The following PNMT variants were observed in gnomAD, a reference collection of about 807,000 sequenced individuals.
The protein encoded by PNMT is phenylethanolamine N-methyltransferase.
Under a neutral mutation model 18.9 loss-of-function variants are expected in PNMT, and 18 were observed. The observed-to-expected ratio is 0.95, with a 90% CI of 0.66 to 1.41. The LOEUF (loss-of-function observed/expected upper bound fraction) is 1.41. Ranked by LOEUF, PNMT falls within the 40% of genes most tolerant of loss-of-function variation. The pLI, the probability that PNMT is intolerant of heterozygous loss-of-function variation, is 0.00. For synonymous variants in PNMT, 167 were observed against 168.6 expected (o/e 0.99, Z 0.08); for missense variants, 378 against 387.0 (o/e 0.98, Z 0.20).
At chr17:39,668,708 A>G in intron 1 of PNMT, 31 bp downstream of exon 1, 2 of 1,529,364 alleles carry the variant, frequency 1.3e-6, no homozygotes, top group African/African-American at 2.8e-5. Flanking sequence ...CACGAGGGAC[A>G]AGAGGTCGTC....
rs139957551 is a variant in PNMT at position 39,669,746 on chromosome 17, G to T, written c.320G>T (p.Arg107Leu). The T allele has an allele frequency of 6.2e-6, 10 of 1,613,758 alleles. No individual in the cohort carries two copies. The highest frequency in any genetic ancestry group is 4.0e-5 in the African/African-American group (3 of 74,900). The change falls in exon 2 of 3, where the codon CGC (arginine) becomes CTC (leucine). Residue 107 changes from arginine to leucine, a missense_variant. Physicochemically the swap from Arg to Leu is moderately radical, Grantham distance 102. Transcript: ENST00000269582. ...ITMTDFLEVN[R>L]QELGRWLQEE... is the part of the protein sequence containing the mutation. ...ATGACAGATTTCCTGGAGGTCAACC[G>T]CCAGGAGCTGGGGCGCTGGCTGCAG... is the stretch of plus-strand genomic sequence containing the variant.
Position 39,669,938 on chromosome 17 carries a change from G to A in PNMT, c.411-13G>A. 1.9e-6 allele frequency: 3 copies of A among 1,595,490 alleles called. No homozygotes were observed. Among genetic ancestry groups the A allele is most frequent in the Non-Finnish European group, 2.6e-6 (3 of 1,170,260 alleles). The stretch of plus-strand genomic sequence containing the variant: ...AGAACAGCCTTGAGCCCTGCCTTGT[G>A]CCTCCTGCACAGGGAATGCTGGCAG... On this transcript the variant is annotated splice_polypyrimidine_tract_variant and intron_variant, in intron 2 of 2. Coordinates refer to ENST00000269582, the MANE Select transcript of PNMT (RefSeq NM_002686.4).
chr17:39,669,820 C>T lies in PNMT; in HGVS notation c.394C>T (p.Leu132Phe). The stretch of plus-strand genomic sequence containing the variant: ...GAGCATGTACAGCCAACATGCCTGC[C>T]TCATTGAGGGCAAGGGGTAAGGACT... Reference protein sequence around the residue: ...NWSMYSQHACLIEGKGECWQD... With the variant: ...NWSMYSQHACFIEGKGECWQD... The change falls in exon 2 of 3, where the codon CTC (leucine) becomes TTC (phenylalanine). Residue 132 changes from leucine (L) to phenylalanine (F), a missense_variant. Transcript: ENST00000269582. 6.2e-7 allele frequency: 1 copy of T among 1,613,780 alleles called. No homozygotes were observed. The highest frequency in any genetic ancestry group is 8.5e-7 in the Non-Finnish European group (1 of 1,179,758).
Position 39,670,354 on chromosome 17 carries a change from G to A in PNMT, c.814G>A (p.Val272Ile), listed in dbSNP as rs753034981. 2.8e-5 allele frequency: 45 copies of A among 1,595,938 alleles called. No individual in the cohort carries two copies. The highest frequency in any genetic ancestry group is 6.7e-5 in the East Asian group (3 of 44,508). The change falls in exon 3 of 3, where the codon GTC becomes ATC. Residue 272 changes from valine to isoleucine, a missense_variant. Transcript: ENST00000269582. ...LQTGVDDVKG[V>I]FFAWAQKVGL Reference sequence around the variant, plus strand: ...GACAGGCGTAGATGATGTCAAGGGCGTCTTCTTCGCCTGGGCTCAGAAGGT... The same window carrying A: ...GACAGGCGTAGATGATGTCAAGGGCATCTTCTTCGCCTGGGCTCAGAAGGT...
In PNMT at chr17:39,669,779, C is replaced by CG; in HGVS notation, c.358dup (p.Ala120GlyfsTer15). 1 of 1,613,938 alleles carries CG rather than the reference C, an allele frequency of 6.2e-7. No homozygotes were observed. The highest frequency in any genetic ancestry group is 8.5e-7 in the Non-Finnish European group (1 of 1,179,944). On this transcript the variant is annotated frameshift_variant, in exon 2 of 3. Coordinates refer to ENST00000269582, the MANE Select transcript of PNMT (RefSeq NM_002686.4). LOFTEE classifies it high-confidence loss of function. Reference sequence around the variant, plus strand: ...CTGGGGCGCTGGCTGCAGGAGGAGCCGGGGGCCTTCAACTGGAGCATGTAC... The same window carrying CG: ...CTGGGGCGCTGGCTGCAGGAGGAGCCGGGGGGCCTTCAACTGGAGCATGTAC...
At chr17:39,668,889 C>T (rs2057275962) in intron 1 of PNMT, among the ~76,000 whole-genome samples, 1 of 146,598 alleles carries the variant, frequency 6.8e-6, no homozygotes, top group South Asian at 2.1e-4. Context: ...AGAGAGGGGG[C>T]GGAGAGTGCT....
upstream of PNMT, chr17:39,668,327 T>C: frequency 3.7e-6 from 2 of 546,310 alleles, no homozygotes. Context: ...GGGAGATGGA[T>C]GAATGGGTGG....
intron 1 of PNMT, among the ~76,000 whole-genome samples, chr17:39,669,045 TTTTC>T (rs776873328): frequency 4.6e-5 from 7 of 152,040 alleles, no homozygotes; most frequent in Non-Finnish European, 5.9e-5. Context: ...TTTTCTTTCT[TTTTC>T]TTTATTTTAT....
Position 39,669,775 on chromosome 17 carries a change from G to A in PNMT, c.349G>A (p.Glu117Lys), listed in dbSNP as rs1567867182. 1 of 1,614,122 alleles carries A rather than the reference G, an allele frequency of 6.2e-7. No individual in the cohort carries two copies. The highest frequency in any genetic ancestry group is 8.5e-7 in the Non-Finnish European group (1 of 1,179,988). The change falls in exon 2 of 3, where the codon GAG (glutamate) becomes AAG (lysine). Residue 117 changes from glutamate to lysine, a missense_variant. Coordinates refer to ENST00000269582, the MANE Select transcript of PNMT (RefSeq NM_002686.4). ...RQELGRWLQEEPGAFNWSMYS... is the reference protein window; with the variant it reads ...RQELGRWLQEKPGAFNWSMYS... ...GGAGCTGGGGCGCTGGCTGCAGGAG[G>A]AGCCGGGGGCCTTCAACTGGAGCAT... is the stretch of plus-strand genomic sequence containing the variant.
chr17:39,668,541 G>T lies in PNMT; in HGVS notation c.66G>T (p.Ala22=), dbSNP rs778066861. The T allele has an allele frequency of 6.7e-5, 103 of 1,548,698 alleles. No individual in the cohort carries two copies. In the Middle Eastern group the frequency reaches 1.7e-3, roughly 26 times the overall value. Residue 22 remains alanine, a synonymous_variant, in exon 1 of 3, where the codon GCG becomes GCT. Coordinates refer to ENST00000269582, the MANE Select transcript of PNMT (RefSeq NM_002686.4). ...AAPDSAPGQA[A]VASAYQRFEP... ...CTGACTCGGCCCCGGGCCAGGCGGC[G>T]GTGGCTTCGGCCTACCAGCGCTTCG...
rs2057284629 is a variant in PNMT, at chr17:39,669,935, T to C, written c.411-16T>C. On this transcript the variant is annotated splice_polypyrimidine_tract_variant and intron_variant, in intron 2 of 2. Transcript: ENST00000269582. Reference sequence around the variant, plus strand: ...CGTAGAACAGCCTTGAGCCCTGCCTTGTGCCTCCTGCACAGGGAATGCTGG... The same window carrying C: ...CGTAGAACAGCCTTGAGCCCTGCCTCGTGCCTCCTGCACAGGGAATGCTGG... 1 of 1,594,954 alleles carries C rather than the reference T, an allele frequency of 6.3e-7. No individual in the cohort carries two copies. The highest frequency in any genetic ancestry group is 8.5e-7 in the Non-Finnish European group (1 of 1,170,004).
upstream of PNMT, chr17:39,668,031 G>A (rs986621921): frequency 1.2e-3 from 185 of 160,658 alleles, 1 homozygote; most frequent in Non-Finnish European, 2.2e-3. Context: ...TCTCCACCTC[G>A]AATCAGGAAA....
chr17:39,669,126 G>C (rs2057277349), intron 1 of PNMT, among the ~76,000 whole-genome samples: 1 of 151,844 alleles, frequency 6.6e-6, no homozygotes, highest in Non-Finnish European at 1.5e-5. Flanking sequence ...TGTTGCCCAG[G>C]CTGGAGTACA....
chr17:39,670,359 C>A lies in PNMT; in HGVS notation c.819C>A (p.Phe273Leu). The change falls in exon 3 of 3, where the codon TTC becomes TTA. Residue 273 changes from phenylalanine (F) to leucine (L), a missense_variant. Coordinates refer to ENST00000269582, the MANE Select transcript of PNMT (RefSeq NM_002686.4). ...QTGVDDVKGVFFAWAQKVGL is the reference protein window; with the variant it reads ...QTGVDDVKGVLFAWAQKVGL ...GCGTAGATGATGTCAAGGGCGTCTT[C>A]TTCGCCTGGGCTCAGAAGGTTGGGC... The A allele has an allele frequency of 1.3e-6, 2 of 1,593,324 alleles. No homozygotes were observed. Among genetic ancestry groups the A allele is most frequent in the Non-Finnish European group, 1.7e-6 (2 of 1,167,302 alleles).
rs117209774 is a variant in PNMT, at chr17:39,669,468, A to G, written c.203-161A>G. 2.1e-4 allele frequency among the ~76,000 whole-genome samples: 32 copies of G among 152,348 alleles called. 1 individual carries two copies. In the East Asian group the frequency reaches 5.8e-3, roughly 28 times the overall value. ...GGCAGCCCATGTTGGAGCTGGGTTC[A>G]GTCTAACTCTGGGGCCAATGCTTTT... On this transcript the variant is annotated intron_variant, in intron 1 of 2. Coordinates refer to ENST00000269582, the MANE Select transcript of PNMT (RefSeq NM_002686.4).
chr17:39,668,405 G>T (rs1041311459), upstream of PNMT: 9 of 1,268,232 alleles, frequency 7.1e-6, no homozygotes, highest in Non-Finnish European at 9.1e-6. Flanking sequence ...CGGACCGGTC[G>T]GGGCGGGGGT....
At position 39,670,180 on chromosome 17, in the gene PNMT, A is replaced by G. The variant is rs763805072; in HGVS notation, c.640A>G (p.Ile214Val). The change falls in exon 3 of 3, where the codon ATC becomes GTC. Residue 214 changes from isoleucine (I) to valine (V), a missense_variant. Ile to Val is a conservative substitution (Grantham distance 29). Coordinates refer to ENST00000269582, the MANE Select transcript of PNMT (RefSeq NM_002686.4). ...GAGGCCTGGGGGGCACCTCCTCCTC[A>G]TCGGGGCCCTGGAGGAGTCGTGGTA... The part of the protein sequence containing the change: ...LLRPGGHLLL[I>V]GALEESWYLA... The G allele has an allele frequency of 1.2e-6, 2 of 1,612,164 alleles. No individual in the cohort carries two copies. Among genetic ancestry groups the G allele is most frequent in the Admixed American group, 3.3e-5 (2 of 59,970 alleles).
chr17:39,670,255 G>A lies in PNMT; in HGVS notation c.715G>A (p.Val239Met), dbSNP rs761341506. The change falls in exon 3 of 3, where the codon GTG (valine) becomes ATG (methionine). Residue 239 changes from valine to methionine, a missense_variant. Transcript: ENST00000269582. ...LTVVPVSEEEVREALVRSGYK... is the reference protein window; with the variant it reads ...LTVVPVSEEEMREALVRSGYK... Reference sequence around the variant, plus strand: ...GGTGGTGCCAGTGTCTGAGGAGGAGGTGAGGGAGGCCCTGGTGCGTAGTGG... The same window carrying A: ...GGTGGTGCCAGTGTCTGAGGAGGAGATGAGGGAGGCCCTGGTGCGTAGTGG... 1 of 1,609,694 alleles carries A rather than the reference G, an allele frequency of 6.2e-7. No homozygotes were observed. Among genetic ancestry groups the A allele is most frequent in the Admixed American group, 1.7e-5 (1 of 59,598 alleles).
chr17:39,670,463 A>G lies in PNMT; in HGVS notation c.*74A>G. On this transcript the variant is annotated 3_prime_UTR_variant, in exon 3 of 3. Transcript: ENST00000269582. ...CTTTGAAGTGGCACCTAATAAAGAA[A>G]TAATACCCTGCCGCTGCGGTCAGTG... is the stretch of plus-strand genomic sequence containing the variant. The G allele has an allele frequency of 8.6e-7, 1 of 1,169,242 alleles. No individual in the cohort carries two copies. The highest frequency in any genetic ancestry group is 1.2e-6 in the Non-Finnish European group (1 of 845,132). 72.4% of individuals were successfully genotyped at this position (1,169,242 alleles called of 1,614,324 possible).
Sources: allele counts gnomAD v4.1 joint callset (sites outside exome capture counted in the v4.1 genomes callset), GRCh38; gene constraint gnomAD v4.1.1; transcripts MANE v1.5; gene names NCBI Gene and HGNC (gene_info 2026-07-23, HGNC 2026-07-21).